Variants in NCAM2 observed in about 807,000 individuals in gnomAD.
NCAM2 encodes N-CAM-2.
A neutral mutation model predicts 98.1 loss-of-function variants in NCAM2; 30 were observed. The observed-to-expected ratio is 0.31, with a 90% CI of 0.23 to 0.41. NCAM2 has a LOEUF of 0.41. Ranked by LOEUF, NCAM2 falls within the 10% of genes least tolerant of loss-of-function variation. The pLI, the probability that NCAM2 is intolerant of heterozygous loss-of-function variation, is 1.00. For missense variants in NCAM2, 867 were observed against 1,005.8 expected, an observed-to-expected ratio of 0.86 and a Z score of 1.87; for synonymous variants, 368 against 342.4, an observed-to-expected ratio of 1.07 and a Z score of -0.83.
At chr21:21,171,661 G>C (rs529367163) in intron 1 of NCAM2, among the ~76,000 whole-genome samples, 9 of 152,060 alleles carry the variant, frequency 5.9e-5, no homozygotes, top group Non-Finnish European at 1.0e-4. Flanking sequence ...ACCATTTTTC[G>C]AGGTCAGTAG....
chr21:21,215,617 A>G (rs1373984019), intron 1 of NCAM2, among the ~76,000 whole-genome samples: 7 of 151,982 alleles, frequency 4.6e-5, no homozygotes, highest in Non-Finnish European at 7.4e-5. Flanking sequence ...CATCCCAGCT[A>G]CTCGGTAGGT....
intron 5 of NCAM2, among the ~76,000 whole-genome samples, chr21:21,299,869 A>G (rs951700678): frequency 3.3e-5 from 5 of 151,922 alleles, no homozygotes; most frequent in Non-Finnish European, 5.9e-5. Context: ...TACCAAATCC[A>G]TGAATGCTCA....
intron 10 of NCAM2, 112 bp from the exon 11 acceptor site, chr21:21,418,358 TAAG>T: frequency 1.4e-6 from 1 of 713,920 alleles, no homozygotes; most frequent in Non-Finnish European, 2.5e-6. Flanking sequence ...AAATATATGG[TAAG>T]GAGTTGTTGG....
At chr21:21,125,418 T>TATATATGTAATATATAATATATTACAC in intron 1 of NCAM2, among the ~76,000 whole-genome samples, 1 of 137,968 alleles carries the variant, frequency 7.2e-6, no homozygotes, top group African/African-American at 2.6e-5. Context: ...ATATTTTACA[T>TATATATGTAATATATAATATATTACAC]ATATTCATAC....
intron 1 of NCAM2, among the ~76,000 whole-genome samples, chr21:21,038,839 G>T (rs2064848166): frequency 1.3e-5 from 2 of 152,122 alleles, no homozygotes; most frequent in African/African-American, 4.8e-5. Context: ...GTTTCAATTA[G>T]CATGGCTCTG....
rs1171857115 is a variant in NCAM2 at position 21,248,776 on chromosome 21, C to CAAA, written c.56-31763_56-31761dup. ...TGGGCAACAGAGCAAGACTCTGTCT[C>CAAA]AAAAAAAAAAAAAAAAAAAAAAAAA... On this transcript the variant is annotated intron_variant, in intron 1 of 17. Coordinates refer to ENST00000400546, the MANE Select transcript of NCAM2 (RefSeq NM_004540.5). Among the ~76,000 whole-genome samples the CAAA allele has an allele frequency of 1.3e-3, 66 of 50,678 alleles. 5 individuals are homozygous for CAAA. The highest frequency in any genetic ancestry group is 7.5e-3 in the Admixed American group (19 of 2,538). The allele number at this position is 50,678 out of a possible 152,430, so 33.2% of individuals were successfully genotyped here. A position where few individuals can be genotyped will look rare whatever the true frequency, so the allele number is the denominator to read the frequency against.
In NCAM2 at chr21:21,327,306, C is replaced by CAAAAAAAAAAAA. The variant is rs11384559; in HGVS notation, c.737+2819_737+2830dup. The stretch of plus-strand genomic sequence containing the variant: ...CAGGCAACAGAGCAAGACTCTGTCT[C>CAAAAAAAAAAAA]AAAAAAAAAAAAAAAAAAAAAAAAT... On this transcript the variant is annotated intron_variant, in intron 6 of 17. Coordinates refer to ENST00000400546, the MANE Select transcript of NCAM2 (RefSeq NM_004540.5). 3.7e-3 allele frequency among the ~76,000 whole-genome samples: 303 copies of CAAAAAAAAAAAA among 82,144 alleles called. 7 individuals are homozygous for CAAAAAAAAAAAA. The highest frequency in any genetic ancestry group is 0.011 in the African/African-American group (199 of 18,898). The allele number at this position is 82,144 out of a possible 152,430, so 53.9% of individuals were successfully genotyped here. A position where few individuals can be genotyped will look rare whatever the true frequency, so the allele number is the denominator to read the frequency against.
intron 1 of NCAM2, among the ~76,000 whole-genome samples, chr21:20,999,321 T>A (rs1247947309): frequency 6.6e-6 from 1 of 151,838 alleles, no homozygotes; most frequent in Non-Finnish European, 1.5e-5. Context: ...TTTTTGGGGT[T>A]GTGGGAGAAC....
At chr21:21,512,446 T>TG (rs2146364595) in intron 16 of NCAM2, among the ~76,000 whole-genome samples, 1 of 152,196 alleles carries the variant, frequency 6.6e-6, no homozygotes, top group South Asian at 2.1e-4. Context: ...ACTTGGTCTG[T>TG]GTGTCTGTTT....
intron 5 of NCAM2, among the ~76,000 whole-genome samples, chr21:21,293,276 A>T (rs77323278): frequency 0.14 from 20,427 of 148,324 alleles, 1,746 homozygotes; most frequent in Non-Finnish European, 0.2. Context: ...TTTCCATGAG[A>T]GTGGTGATCT....
chr21:21,418,706 G>C (rs1381032759), intron 11 of NCAM2, 137 bp downstream of exon 11: 4 of 707,432 alleles, frequency 5.7e-6, no homozygotes, highest in Non-Finnish European at 1.0e-5. Context: ...GTAGACTGTG[G>C]TTACCAGAGG....
At chr21:21,341,980 T>C (rs1038025078) in intron 8 of NCAM2, among the ~76,000 whole-genome samples, 3 of 152,016 alleles carry the variant, frequency 2.0e-5, no homozygotes, top group African/African-American at 7.2e-5. Flanking sequence ...AAAGGAGTGG[T>C]TAGGAAGTGT....
At chr21:21,056,363 G>A (rs867196709) in intron 1 of NCAM2, among the ~76,000 whole-genome samples, 5 of 152,064 alleles carry the variant, frequency 3.3e-5, no homozygotes, top group Admixed American at 1.3e-4. Flanking sequence ...CCCCAATAGC[G>A]TAATTTTAAT....
chr21:21,146,484 T>C (rs2067275839), intron 1 of NCAM2, among the ~76,000 whole-genome samples: 1 of 150,230 alleles, frequency 6.7e-6, no homozygotes, highest in African/African-American at 2.4e-5. Context: ...AACCAATATA[T>C]ACTCAATAGA....
chr21:21,017,689 G>A (rs1258537495), intron 1 of NCAM2, among the ~76,000 whole-genome samples: 1 of 152,090 alleles, frequency 6.6e-6, no homozygotes, highest in Non-Finnish European at 1.5e-5. Context: ...GAAGCACTTG[G>A]TGTATGAAAC....
intron 15 of NCAM2, among the ~76,000 whole-genome samples, chr21:21,478,616 C>G (rs1440973371): frequency 2.0e-5 from 3 of 151,806 alleles, no homozygotes; most frequent in Admixed American, 1.3e-4. Flanking sequence ...GATATTAGAG[C>G]TTTATATTGC....
chr21:21,045,693 T>C (rs1191477764), intron 1 of NCAM2, among the ~76,000 whole-genome samples: 2 of 152,010 alleles, frequency 1.3e-5, no homozygotes, highest in Non-Finnish European at 2.9e-5. Flanking sequence ...AGCACATGAG[T>C]CAATGTTCTG....
intron 16 of NCAM2, among the ~76,000 whole-genome samples, chr21:21,521,663 A>C (rs1310494458): frequency 6.6e-6 from 1 of 152,090 alleles, no homozygotes; most frequent in African/African-American, 2.4e-5. Flanking sequence ...CTGAGCTTGA[A>C]GGTATCTCAG....
chr21:21,211,810 A>G (rs1453647944), intron 1 of NCAM2, among the ~76,000 whole-genome samples: 1 of 152,100 alleles, frequency 6.6e-6, no homozygotes, highest in Non-Finnish European at 1.5e-5. Flanking sequence ...TATACTGTCC[A>G]CTGCAGCCTG....
Sources: allele counts gnomAD v4.1 joint callset (sites outside exome capture counted in the v4.1 genomes callset), GRCh38; gene constraint gnomAD v4.1.1; transcripts MANE v1.5; gene names NCBI Gene and HGNC (gene_info 2026-07-23, HGNC 2026-07-21).